Variants in DGKB observed in about 807,000 individuals in gnomAD.
The protein encoded by DGKB is 90 kDa diacylglycerol kinase.
A neutral mutation model predicts 114.3 loss-of-function variants in DGKB; 67 were observed. The observed-to-expected ratio is 0.59, with a 90% CI of 0.48 to 0.72. The LOEUF (loss-of-function observed/expected upper bound fraction) is 0.72, where lower values mean the gene tolerates loss of function less well. Ranked by LOEUF, DGKB falls within the 30% of genes least tolerant of loss-of-function variation. DGKB has a pLI of 0.00. For synonymous variants in DGKB, 398 were observed against 323.1 expected, an observed-to-expected ratio of 1.23 and a Z score of -2.49; for missense variants, 907 against 975.2, an observed-to-expected ratio of 0.93 and a Z score of 0.93.
intron 20 of DGKB, among the ~76,000 whole-genome samples, chr7:14,508,835 C>T (rs887673602): frequency 6.6e-5 from 10 of 151,898 alleles, no homozygotes; most frequent in Middle Eastern, 3.4e-3. Context: ...TGTTACTATA[C>T]TATCATTCTG....
intron 1 of DGKB, among the ~76,000 whole-genome samples, chr7:14,854,872 T>C (rs887091342): frequency 6.6e-6 from 1 of 152,112 alleles, no homozygotes; most frequent in Non-Finnish European, 1.5e-5. Context: ...ACGTGGCCTA[T>C]ATGAAGGGAA....
chr7:14,613,569 GTGTGTGCGTGTGTA>G (rs1443479145), intron 15 of DGKB, among the ~76,000 whole-genome samples, 156 bp from the exon 16 acceptor site: 3 of 133,954 alleles, frequency 2.2e-5, no homozygotes, highest in Admixed American at 7.3e-5. Flanking sequence ...GTGTGTGCGT[GTGTGTGCGTGTGTA>G]TGTGTGTGTG....
chr7:14,892,333 C>A (rs1781376184), intron 1 of DGKB, among the ~76,000 whole-genome samples: 1 of 151,022 alleles, frequency 6.6e-6, no homozygotes, highest in African/African-American at 2.4e-5. Context: ...ATTGACTTAC[C>A]TTACCTATGT....
At chr7:14,733,182 G>A (rs939699016) in intron 5 of DGKB, among the ~76,000 whole-genome samples, 5 of 152,092 alleles carry the variant, frequency 3.3e-5, no homozygotes, top group Admixed American at 1.3e-4. Flanking sequence ...AACTCATTCC[G>A]AGAAAAACAG....
At chr7:14,724,779 GGAGCAAAAAGGTGAA>G (rs1357809035) in intron 5 of DGKB, among the ~76,000 whole-genome samples, 2 of 152,258 alleles carry the variant, frequency 1.3e-5, no homozygotes, top group Admixed American at 1.3e-4. Flanking sequence ...GTCAGTCAAC[GGAGCAAAAAGGTGAA>G]GACAAATCAT....
At chr7:14,854,646 T>G (rs1173574602) in intron 1 of DGKB, among the ~76,000 whole-genome samples, 2 of 152,220 alleles carry the variant, frequency 1.3e-5, no homozygotes, top group Non-Finnish European at 2.9e-5. Flanking sequence ...TAACACTTCC[T>G]GGCCCACTGC....
At chr7:14,794,166 C>G (rs1841078260) in intron 2 of DGKB, among the ~76,000 whole-genome samples, 1 of 151,964 alleles carries the variant, frequency 6.6e-6, no homozygotes, top group East Asian at 1.9e-4. Context: ...TCTGAAGAAC[C>G]CTCACTAACA....
intron 13 of DGKB, among the ~76,000 whole-genome samples, chr7:14,660,342 G>T (rs1259073642): frequency 3.3e-5 from 5 of 151,650 alleles, no homozygotes; most frequent in Non-Finnish European, 7.4e-5. Flanking sequence ...GGTAGAATTC[G>T]GCTGTGAATC....
intron 2 of DGKB, among the ~76,000 whole-genome samples, chr7:14,838,868 C>G (rs1037315598): frequency 1.3e-5 from 2 of 152,178 alleles, no homozygotes; most frequent in Non-Finnish European, 2.9e-5. Flanking sequence ...CACTCACTCC[C>G]TTCAATTGTG....
intron 20 of DGKB, among the ~76,000 whole-genome samples, chr7:14,526,615 T>C (rs1790687180): frequency 6.6e-6 from 1 of 152,112 alleles, no homozygotes; most frequent in Admixed American, 6.6e-5. Flanking sequence ...TAATATGTGG[T>C]TAATGTAAAG....
At chr7:14,681,777 A>G (rs574291888) in intron 12 of DGKB, among the ~76,000 whole-genome samples, 3 of 152,032 alleles carry the variant, frequency 2.0e-5, no homozygotes, top group African/African-American at 7.2e-5. Context: ...CATTCCAAAA[A>G]TTTTTTCAAG....
At chr7:14,711,153 G>C (rs956711831) in intron 6 of DGKB, among the ~76,000 whole-genome samples, 2 of 151,976 alleles carry the variant, frequency 1.3e-5, no homozygotes, top group East Asian at 3.9e-4. Context: ...AGTGACTGAA[G>C]AAACTAATAT....
At chr7:14,385,857 G>A (rs1354709047) in intron 21 of DGKB, among the ~76,000 whole-genome samples, 4 of 152,194 alleles carry the variant, frequency 2.6e-5, no homozygotes, top group Non-Finnish European at 5.9e-5. Context: ...TTTCAAGACA[G>A]CTGCAATAAC....
intron 23 of DGKB, among the ~76,000 whole-genome samples, chr7:14,285,390 G>A (rs114507708): frequency 1.5e-3 from 233 of 152,286 alleles, no homozygotes; most frequent in African/African-American, 5.4e-3. Context: ...GTAAGTAAAT[G>A]TCTCATACAG....
intron 1 of DGKB, among the ~76,000 whole-genome samples, chr7:14,953,240 A>C: frequency 6.6e-6 from 1 of 152,144 alleles, no homozygotes; most frequent in East Asian, 1.9e-4. Context: ...TCTGTGCTTC[A>C]AAGAACATCA....
At chr7:14,170,155 AAG>A (rs1415587854) in intron 25 of DGKB, among the ~76,000 whole-genome samples, 8 of 74,370 alleles carry the variant, frequency 1.1e-4, no homozygotes, top group African/African-American at 7.1e-4. Context: ...AAAAGAAAGA[AAG>A]AAAGAAAGAA....
intron 23 of DGKB, among the ~76,000 whole-genome samples, chr7:14,258,350 A>G (rs141427746): frequency 1.3e-5 from 2 of 152,356 alleles, no homozygotes; most frequent in East Asian, 3.9e-4. Flanking sequence ...TTGTTTGTAC[A>G]TTATAACTTT....
chr7:14,377,918 A>C (rs1818766663), intron 21 of DGKB, among the ~76,000 whole-genome samples: 1 of 152,158 alleles, frequency 6.6e-6, no homozygotes, highest in Non-Finnish European at 1.5e-5. Context: ...TCCCTTTCTC[A>C]GAGAGCTCCT....
At position 14,409,132 on chromosome 7, in the gene DGKB, C is replaced by A. The variant is rs559657714; in HGVS notation, c.1836-63741G>T. Among the ~76,000 whole-genome samples the A allele has an allele frequency of 4.2e-4, 64 of 152,184 alleles. 2 individuals carry two copies. In the South Asian group the frequency reaches 0.01, roughly 24 times the overall value. On this transcript the variant is annotated intron_variant, in intron 21 of 25. Coordinates refer to ENST00000402815, the MANE Select transcript of DGKB (RefSeq NM_001350709.2). Reference sequence around the variant, plus strand: ...ATTAACTGTAGTACATAAGGTACTACTGAAATAATTTTGTCACTATCTCTT... The same window carrying A: ...ATTAACTGTAGTACATAAGGTACTAATGAAATAATTTTGTCACTATCTCTT...
Sources: allele counts gnomAD v4.1 joint callset (sites outside exome capture counted in the v4.1 genomes callset), GRCh38; gene constraint gnomAD v4.1.1; transcripts MANE v1.5; gene names NCBI Gene and HGNC (gene_info 2026-07-23, HGNC 2026-07-21).